The following KCND2 variants were observed in gnomAD, a reference collection of about 807,000 sequenced individuals.
KCND2 encodes A-type voltage-gated potassium channel KCND2.
KCND2 carries 16 observed loss-of-function variants against 54.4 expected under a neutral mutation model. The observed-to-expected ratio is 0.29, with a 90% CI of 0.20 to 0.45. The LOEUF (loss-of-function observed/expected upper bound fraction) is 0.45, where lower values mean the gene tolerates loss of function less well. Among genes scored for constraint, KCND2 ranks in the 20% least tolerant of loss-of-function variants. KCND2 has a pLI of 1.00. For missense variants in KCND2, 486 were observed against 824.2 expected, an observed-to-expected ratio of 0.59 and a Z score of 5.02; for synonymous variants, 317 against 310.7, an observed-to-expected ratio of 1.02 and a Z score of -0.21.
intron 1 of KCND2, among the ~76,000 whole-genome samples, chr7:120,458,361 C>G (rs149559969): frequency 4.6e-4 from 70 of 152,296 alleles, no homozygotes; most frequent in Middle Eastern, 3.4e-3. Flanking sequence ...TTTACAAAGA[C>G]AGTTTTTGAT....
chr7:120,464,038 A>G (rs1390537772), intron 1 of KCND2: 6 of 972,068 alleles, frequency 6.2e-6, no homozygotes, highest in South Asian at 4.8e-5. Flanking sequence ...TTTTTCTTGC[A>G]GTTGAGCCTT....
intron 1 of KCND2, among the ~76,000 whole-genome samples, chr7:120,705,513 G>A (rs1351824826): frequency 1.3e-5 from 2 of 152,100 alleles, no homozygotes; most frequent in African/African-American, 4.8e-5. Flanking sequence ...TTTCTCACTT[G>A]CAAAATGTCG....
chr7:120,711,248 T>G (rs1035052647), intron 1 of KCND2, among the ~76,000 whole-genome samples: 2 of 152,122 alleles, frequency 1.3e-5, no homozygotes, highest in African/African-American at 4.8e-5. Flanking sequence ...GATCAAAAAT[T>G]CAAAGATACA....
At chr7:120,445,149 A>G (rs1461163546) in intron 1 of KCND2, among the ~76,000 whole-genome samples, 2 of 152,208 alleles carry the variant, frequency 1.3e-5, no homozygotes, top group Non-Finnish European at 2.9e-5. Flanking sequence ...CTCACCTTTG[A>G]AAATAGGAAT....
intron 1 of KCND2, among the ~76,000 whole-genome samples, chr7:120,316,677 G>A (rs1436659967): frequency 2.6e-5 from 4 of 152,108 alleles, no homozygotes; most frequent in East Asian, 3.9e-4. Context: ...TTCTGATTAC[G>A]ATGAAAAAAG....
At chr7:120,388,086 A>G (rs949535805) in intron 1 of KCND2, among the ~76,000 whole-genome samples, 4 of 152,050 alleles carry the variant, frequency 2.6e-5, no homozygotes, top group Admixed American at 6.6e-5. Context: ...TTGAATGTTT[A>G]CTAATTCTTG....
intron 1 of KCND2, among the ~76,000 whole-genome samples, chr7:120,564,226 A>G (rs1282410713): frequency 6.6e-6 from 1 of 152,176 alleles, no homozygotes; most frequent in Non-Finnish European, 1.5e-5. Flanking sequence ...TTTTGTAGTA[A>G]TGATTCCTTG....
At chr7:120,350,888 T>C (rs1027518076) in intron 1 of KCND2, among the ~76,000 whole-genome samples, 3 of 152,164 alleles carry the variant, frequency 2.0e-5, no homozygotes, top group African/African-American at 7.2e-5. Context: ...AACATGAAAT[T>C]ACTTATAAAC....
chr7:120,591,260 T>C (rs891922650), intron 1 of KCND2, among the ~76,000 whole-genome samples: 2 of 152,200 alleles, frequency 1.3e-5, no homozygotes, highest in Non-Finnish European at 2.9e-5. Context: ...AAATAACATA[T>C]TGGTACATTC....
chr7:120,452,891 C>T (rs1345049711), intron 1 of KCND2, among the ~76,000 whole-genome samples: 1 of 152,144 alleles, frequency 6.6e-6, no homozygotes, highest in Non-Finnish European at 1.5e-5. Flanking sequence ...GAGATGGAGC[C>T]AGTACCATCT....
Position 120,275,242 on chromosome 7 carries a change from G to C in KCND2, c.610G>C (p.Val204Leu). The C allele has an allele frequency of 6.2e-7, 1 of 1,613,928 alleles. No individual in the cohort carries two copies. The highest frequency in any genetic ancestry group is 8.5e-7 in the Non-Finnish European group (1 of 1,179,990). Residue 204 changes from valine (V) to leucine (L), a missense_variant, in exon 1 of 6, where the codon GTG becomes CTG. Physicochemically the swap from Val to Leu is conservative, Grantham distance 32 (BLOSUM62 1). Transcript: ENST00000331113. ...TGCCGTCTCTGTCATCGCGAATGTG[G>C]TGGAAACAGTGCCGTGCGGATCAAG... The part of the protein sequence containing the change: ...FIAVSVIANV[V>L]ETVPCGSSPG...
At chr7:120,652,187 T>G (rs1230606567) in intron 1 of KCND2, among the ~76,000 whole-genome samples, 4 of 152,122 alleles carry the variant, frequency 2.6e-5, no homozygotes, top group Non-Finnish European at 5.9e-5. Flanking sequence ...GTGATTCCCC[T>G]GCCTCAGCCT....
intron 1 of KCND2, among the ~76,000 whole-genome samples, chr7:120,605,485 T>A (rs1017568847): frequency 1.7e-4 from 26 of 152,242 alleles, no homozygotes; most frequent in African/African-American, 6.0e-4. Context: ...TATAGAAATT[T>A]GTTTCCATTG....
chr7:120,296,187 G>A (rs2116285861), intron 1 of KCND2, among the ~76,000 whole-genome samples: 1 of 152,180 alleles, frequency 6.6e-6, no homozygotes, highest in East Asian at 1.9e-4. Context: ...CAGGATTTCA[G>A]TTATGTGTGA....
intron 1 of KCND2, among the ~76,000 whole-genome samples, chr7:120,307,155 A>G (rs1451559402): frequency 6.6e-6 from 1 of 151,900 alleles, no homozygotes; most frequent in Non-Finnish European, 1.5e-5. Flanking sequence ...CCAAACTCTG[A>G]TGTCATTTTT....
At chr7:120,576,756 A>G (rs1287461757) in intron 1 of KCND2, among the ~76,000 whole-genome samples, 1 of 152,224 alleles carries the variant, frequency 6.6e-6, no homozygotes, top group African/African-American at 2.4e-5. Context: ...TTACAGACTG[A>G]TAAAGACTGA....
At chr7:120,440,613 T>G (rs2116192413) in intron 1 of KCND2, among the ~76,000 whole-genome samples, 1 of 152,202 alleles carries the variant, frequency 6.6e-6, no homozygotes, top group African/African-American at 2.4e-5. Context: ...GTTAGTTTCA[T>G]AGTTTAGGAC....
chr7:120,695,930 T>C (rs1216059680), intron 1 of KCND2, among the ~76,000 whole-genome samples: 1 of 152,128 alleles, frequency 6.6e-6, no homozygotes, highest in Non-Finnish European at 1.5e-5. Flanking sequence ...TAAAATGAAA[T>C]GCCAAAATAA....
chr7:120,577,742 C>A (rs10270911), intron 1 of KCND2, among the ~76,000 whole-genome samples: 1 of 152,066 alleles, frequency 6.6e-6, no homozygotes, highest in African/African-American at 2.4e-5. Context: ...CCTGTCACCA[C>A]GCCCGGCTAA....
Sources: gnomAD v4.1 joint callset for allele counts (sites outside exome capture counted in the v4.1 genomes callset) on GRCh38, gnomAD v4.1.1 for gene constraint, MANE v1.5 for transcripts, NCBI Gene and HGNC (gene_info 2026-07-23, HGNC 2026-07-21) for gene names.